Variants in ABCA13 observed in about 807,000 individuals in gnomAD.
ABCA13 encodes ATP-binding cassette sub-family A member 13.
In ABCA13, 476 loss-of-function variants were observed where a neutral mutation model predicts 478.7. That is an observed-to-expected ratio of 0.99 (90% CI 0.92 to 1.07). The LOEUF (loss-of-function observed/expected upper bound fraction) is 1.07, where lower values mean the gene tolerates loss of function less well. Among genes scored for constraint, ABCA13 ranks in the 50% least tolerant of loss-of-function variants. The pLI is 0.00. For synonymous variants in ABCA13, 2,252 were observed against 2,158.9 expected, an observed-to-expected ratio of 1.04 and a Z score of -1.20; for missense variants, 6,060 against 5,910.6, an observed-to-expected ratio of 1.03 and a Z score of -0.83.
intron 5 of ABCA13, 135 bp downstream of exon 5, chr7:48,221,444 G>T: frequency 4.0e-6 from 2 of 498,258 alleles, no homozygotes; most frequent in South Asian, 4.8e-5. Context: ...AGCTGGATTT[G>T]AGAGAGCCAA....
intron 43 of ABCA13, among the ~76,000 whole-genome samples, chr7:48,456,538 C>T (rs2043392): frequency 0.19 from 28,603 of 152,184 alleles, 3,112 homozygotes; most frequent in African/African-American, 0.29. Flanking sequence ...AGTAAACCTA[C>T]TGGGATAATC....
chr7:48,273,251 C>CTGCCAGGG lies in ABCA13; in HGVS notation c.3587_3594dup (p.Ile1199AlafsTer15), dbSNP rs1795864172. The CTGCCAGGG allele has an allele frequency of 6.2e-7, 1 of 1,613,562 alleles. No homozygotes were observed. The highest frequency in any genetic ancestry group is 8.5e-7 in the Non-Finnish European group (1 of 1,179,780). ...AAGATGATGTGAAAGTCTCTAAAAG[C>CTGCCAGGG]TGCCAGGGTATACTTCCCACCCATA... is the stretch of plus-strand genomic sequence containing the variant. On this transcript the variant is annotated frameshift_variant, in exon 17 of 62. Transcript: ENST00000435803. LOFTEE classifies it high-confidence loss of function.
chr7:48,186,396 T>C (rs1473422420), intron 1 of ABCA13, among the ~76,000 whole-genome samples: 1 of 152,080 alleles, frequency 6.6e-6, no homozygotes, highest in African/African-American at 2.4e-5. Flanking sequence ...TTTTGATGAG[T>C]CTTCAGTAAT....
chr7:48,604,113 C>T (rs1453829928), intron 58 of ABCA13, among the ~76,000 whole-genome samples: 2 of 151,756 alleles, frequency 1.3e-5, no homozygotes, highest in African/African-American at 4.8e-5. Context: ...CTATTTGATT[C>T]TTCTCTCTTT....
chr7:48,477,656 T>A (rs536689719), intron 45 of ABCA13, among the ~76,000 whole-genome samples: 1 of 146,068 alleles, frequency 6.8e-6, no homozygotes, highest in East Asian at 2.0e-4. Flanking sequence ...AACCAAACAC[T>A]GCATGTTCTC....
chr7:48,313,550 CTTAATTCAGAG>C (rs1350847764), intron 25 of ABCA13, among the ~76,000 whole-genome samples: 10 of 152,280 alleles, frequency 6.6e-5, no homozygotes, highest in Non-Finnish European at 1.2e-4. Context: ...GCCTGTTTAA[CTTAATTCAGAG>C]AGCAAATTGC....
At chr7:48,508,372 T>C (rs1173969120) in intron 50 of ABCA13, among the ~76,000 whole-genome samples, 1 of 152,144 alleles carries the variant, frequency 6.6e-6, no homozygotes, top group Non-Finnish European at 1.5e-5. Context: ...GATGAGGTGA[T>C]AAAAATCATT....
chr7:48,384,280 A>G (rs1421076544), intron 35 of ABCA13, among the ~76,000 whole-genome samples: 1 of 152,198 alleles, frequency 6.6e-6, no homozygotes, highest in African/African-American at 2.4e-5. Context: ...TTGTTCACGT[A>G]TGTGTCAACA....
chr7:48,413,421 A>G (rs1819542855), intron 41 of ABCA13, among the ~76,000 whole-genome samples: 1 of 152,194 alleles, frequency 6.6e-6, no homozygotes, highest in African/African-American at 2.4e-5. Context: ...CAACAGGCAG[A>G]AATAGGCGTT....
chr7:48,232,096 T>G (rs1430228432), intron 7 of ABCA13, among the ~76,000 whole-genome samples: 2 of 150,062 alleles, frequency 1.3e-5, no homozygotes, highest in Non-Finnish European at 3.0e-5. Context: ...GTTGCTTCTT[T>G]CTTCTTGTTG....
In ABCA13 at chr7:48,580,447, G is replaced by A. The variant is rs1174405764; in HGVS notation, c.14505+73G>A. 8.1e-6 allele frequency: 12 copies of A among 1,476,796 alleles called. No homozygotes were observed. The Admixed American group carries it at 9.7e-5, about 12-fold the overall frequency. The allele number at this position is 1,476,796 out of a possible 1,614,324, so 91.5% of individuals were successfully genotyped here. A position where few individuals can be genotyped will look rare whatever the true frequency, so the allele number is the denominator to read the frequency against. Reference sequence around the variant, plus strand: ...CTTGGTGACCACCTCTGGCTCCAAGGCAGCTCTCTCACCCTATGAGGAGAA... The same window carrying A: ...CTTGGTGACCACCTCTGGCTCCAAGACAGCTCTCTCACCCTATGAGGAGAA... On this transcript the variant is annotated intron_variant, in intron 56 of 61. Coordinates refer to ENST00000435803, the MANE Select transcript of ABCA13 (RefSeq NM_152701.5).
intron 8 of ABCA13, among the ~76,000 whole-genome samples, chr7:48,237,014 T>G (rs908964992): frequency 0.054 from 2,316 of 43,208 alleles, 43 homozygotes; most frequent in Middle Eastern, 0.17. Context: ...AGGGTAGGGT[T>G]TTTTTTTTTT....
Position 48,272,236 on chromosome 7 carries a change from TA to T in ABCA13, c.2573del (p.Asn858IlefsTer10). 1 of 1,612,302 alleles carries T rather than the reference TA, an allele frequency of 6.2e-7. No homozygotes were observed. The highest frequency in any genetic ancestry group is 8.5e-7 in the Non-Finnish European group (1 of 1,179,426). ...AAATTGGAAAACTTCTTTACACTTTTAAATTTTTCTGTTCCAGAAAATGAGA... is the reference window on the plus strand; with the variant it reads ...AAATTGGAAAACTTCTTTACACTTTTAATTTTTCTGTTCCAGAAAATGAGA... The part of the protein sequence containing the change: ...RAKLENFFTL[L>X]NFSVPENEIL... On this transcript the variant is annotated frameshift_variant, in exon 17 of 62. Coordinates refer to ENST00000435803, the MANE Select transcript of ABCA13 (RefSeq NM_152701.5). LOFTEE classifies it high-confidence loss of function.
At chr7:48,385,187 A>G (rs1357464680) in intron 35 of ABCA13, among the ~76,000 whole-genome samples, 2 of 152,170 alleles carry the variant, frequency 1.3e-5, no homozygotes, top group Non-Finnish European at 2.9e-5. Flanking sequence ...CAGGTTTGTT[A>G]CATAGGTAAA....
chr7:48,211,877 C>G (rs565962456), intron 3 of ABCA13, among the ~76,000 whole-genome samples: 13 of 151,900 alleles, frequency 8.6e-5, no homozygotes, highest in Non-Finnish European at 1.5e-4. Context: ...TTCTCCCTTC[C>G]TCAAGCAGAA....
At chr7:48,522,124 A>G (rs568119635) in intron 53 of ABCA13, among the ~76,000 whole-genome samples, 18 of 152,208 alleles carry the variant, frequency 1.2e-4, no homozygotes, top group South Asian at 6.2e-4. Flanking sequence ...ATTAGGGCAC[A>G]TCTATGTTGG....
In ABCA13 at chr7:48,313,123, C is replaced by A. The variant is rs376158151; in HGVS notation, c.9573C>A (p.Ser3191=). ...GLLNSLLDIV[S]SLSALLAKAQ... The stretch of plus-strand genomic sequence containing the variant: ...TCAACTCCTTGCTGGATATAGTTTC[C>A]AGCCTCAGCGCCTTGCTTGCCAAAG... Residue 3191 remains serine, a synonymous_variant, in exon 25 of 62, where the codon TCC becomes TCA. Coordinates refer to ENST00000435803, the MANE Select transcript of ABCA13 (RefSeq NM_152701.5). 6 of 1,612,708 alleles carry A rather than the reference C, an allele frequency of 3.7e-6. No individual in the cohort carries two copies. Among genetic ancestry groups the A allele is most frequent in the African/African-American group, 1.3e-5 (1 of 74,902 alleles).
In ABCA13 at chr7:48,450,464, C is replaced by T. The variant is rs141954846; in HGVS notation, c.12566-4573C>T. Among the ~76,000 whole-genome samples the T allele has an allele frequency of 3.2e-3, 488 of 152,244 alleles. 5 individuals carry two copies. Among genetic ancestry groups the T allele is most frequent in the African/African-American group, 0.01 (435 of 41,550 alleles). The stretch of plus-strand genomic sequence containing the variant: ...GGTTAAAAAATGCTTATACCACCTT[C>T]GCTTTTTAAATTAAAACCTTCCATT... On this transcript the variant is annotated intron_variant, in intron 42 of 61. Transcript: ENST00000435803.
At chr7:48,382,231 G>T (rs1814505968) in intron 35 of ABCA13, among the ~76,000 whole-genome samples, 1 of 152,088 alleles carries the variant, frequency 6.6e-6, no homozygotes, top group African/African-American at 2.4e-5. Flanking sequence ...CCCGACCCCA[G>T]CACCTCACCT....
Sources: gnomAD v4.1 joint callset for allele counts (sites outside exome capture counted in the v4.1 genomes callset) on GRCh38, gnomAD v4.1.1 for gene constraint, MANE v1.5 for transcripts, NCBI Gene and HGNC (gene_info 2026-07-23, HGNC 2026-07-21) for gene names.